GRID2: variants seen among roughly 807,000 people sequenced by gnomAD.
The protein encoded by GRID2 is glutamate ionotropic receptor delta type subunit 2.
A neutral mutation model predicts 114.8 loss-of-function variants in GRID2; 33 were observed. The observed-to-expected ratio is 0.29, with a 90% CI of 0.22 to 0.38. The LOEUF is 0.38. Among genes scored for constraint, GRID2 ranks in the 10% least tolerant of loss-of-function variants. The probability of loss-of-function intolerance (pLI) is 1.00; values close to 1 mark genes in which losing one functional copy is unlikely to be tolerated. For synonymous variants in GRID2, 505 were observed against 449.9 expected, an observed-to-expected ratio of 1.12 and a Z score of -1.55; for missense variants, 1,184 against 1,257.7, an observed-to-expected ratio of 0.94 and a Z score of 0.89.
chr4:93,093,853 G>C (rs1451925206), intron 3 of GRID2, among the ~76,000 whole-genome samples: 2 of 151,994 alleles, frequency 1.3e-5, no homozygotes, highest in African/African-American at 4.8e-5. Flanking sequence ...GAAAGGAGGG[G>C]AAGGGATTGT....
intron 2 of GRID2, among the ~76,000 whole-genome samples, chr4:92,731,863 G>A (rs909869369): frequency 6.6e-6 from 1 of 151,826 alleles, no homozygotes; most frequent in Non-Finnish European, 1.5e-5. Flanking sequence ...TTGATTATTT[G>A]ACCATCACAA....
intron 8 of GRID2, among the ~76,000 whole-genome samples, chr4:93,255,859 T>G (rs1303666380): frequency 6.6e-6 from 1 of 152,088 alleles, no homozygotes; most frequent in Non-Finnish European, 1.5e-5. Context: ...TCAGGTATCC[T>G]ATTAGAGCCC....
intron 1 of GRID2, among the ~76,000 whole-genome samples, chr4:92,394,618 C>T (rs1490304935): frequency 6.6e-6 from 1 of 151,498 alleles, no homozygotes; most frequent in Non-Finnish European, 1.5e-5. Flanking sequence ...TAGACAAAGC[C>T]CAATTAAACA....
chr4:92,395,728 A>T (rs1420160580), intron 1 of GRID2, among the ~76,000 whole-genome samples: 1 of 151,830 alleles, frequency 6.6e-6, no homozygotes, highest in Non-Finnish European at 1.5e-5. Context: ...TTGTATACAT[A>T]TGTGTCATAT....
At chr4:93,280,896 C>T (rs1752574645) in intron 8 of GRID2, among the ~76,000 whole-genome samples, 1 of 151,904 alleles carries the variant, frequency 6.6e-6, no homozygotes, top group South Asian at 2.1e-4. Flanking sequence ...ACTCCTACTA[C>T]ATCCAAAACT....
At chr4:93,499,085 T>C (rs1433727102) in intron 12 of GRID2, among the ~76,000 whole-genome samples, 2 of 151,864 alleles carry the variant, frequency 1.3e-5, no homozygotes, top group Non-Finnish European at 2.9e-5. Context: ...CATCATTCAT[T>C]TCAACAACTA....
intron 2 of GRID2, among the ~76,000 whole-genome samples, chr4:92,863,546 G>A (rs1003254559): frequency 2.0e-5 from 3 of 152,106 alleles, no homozygotes; most frequent in Non-Finnish European, 4.4e-5. Flanking sequence ...ATACTCTGCA[G>A]CCCTCATTCC....
At chr4:93,344,798 G>C (rs188294876) in intron 8 of GRID2, among the ~76,000 whole-genome samples, 91 of 151,750 alleles carry the variant, frequency 6.0e-4, no homozygotes, top group African/African-American at 1.8e-3. Flanking sequence ...TCTAGCTCCT[G>C]GCAACCAGCA....
At chr4:93,342,737 A>T (rs1363063444) in intron 8 of GRID2, among the ~76,000 whole-genome samples, 1 of 152,236 alleles carries the variant, frequency 6.6e-6, no homozygotes, top group Non-Finnish European at 1.5e-5. Context: ...TATGGTGCAA[A>T]GAAATAAAGA....
chr4:93,394,562 A>G (rs1765150132), intron 8 of GRID2, among the ~76,000 whole-genome samples: 1 of 151,960 alleles, frequency 6.6e-6, no homozygotes, highest in Non-Finnish European at 1.5e-5. Flanking sequence ...AAACCGCAAT[A>G]AAAAGAAATA....
chr4:92,536,925 G>C (rs988587137), intron 1 of GRID2, among the ~76,000 whole-genome samples: 1 of 152,112 alleles, frequency 6.6e-6, no homozygotes, highest in Admixed American at 6.6e-5. Context: ...TTATTAGCCA[G>C]TGCCTTATAT....
chr4:92,439,389 G>T (rs185015602), intron 1 of GRID2, among the ~76,000 whole-genome samples: 1 of 152,078 alleles, frequency 6.6e-6, no homozygotes, highest in African/African-American at 2.4e-5. Context: ...CTTGGCTTGG[G>T]CTCAGAGGCC....
At chr4:93,145,800 G>A (rs114727670) in intron 4 of GRID2, among the ~76,000 whole-genome samples, 98 of 150,790 alleles carry the variant, frequency 6.5e-4, no homozygotes, top group African/African-American at 2.2e-3. Flanking sequence ...ACAGCACCTG[G>A]TCTACTCTTA....
intron 8 of GRID2, among the ~76,000 whole-genome samples, chr4:93,327,294 C>T (rs1006812328): frequency 1.3e-5 from 2 of 152,106 alleles, no homozygotes; most frequent in Non-Finnish European, 2.9e-5. Context: ...ATTAAAGGTC[C>T]AAAATATAAA....
At chr4:93,412,750 C>T (rs547616972) in intron 9 of GRID2, among the ~76,000 whole-genome samples, 18 of 152,044 alleles carry the variant, frequency 1.2e-4, no homozygotes, top group Non-Finnish European at 2.4e-4. Context: ...CCTCCCCTTG[C>T]CTACCCCACT....
At chr4:93,616,775 T>C (rs1026911174) in intron 13 of GRID2, among the ~76,000 whole-genome samples, 3 of 151,632 alleles carry the variant, frequency 2.0e-5, no homozygotes, top group Non-Finnish European at 4.4e-5. Context: ...TTCATAAAAA[T>C]CAGTGAGGCG....
chr4:93,117,816 G>A (rs372247238), intron 4 of GRID2, among the ~76,000 whole-genome samples: 1 of 152,122 alleles, frequency 6.6e-6, no homozygotes, highest in Non-Finnish European at 1.5e-5. Flanking sequence ...TTATAGTGCT[G>A]TTGGCCACGA....
intron 14 of GRID2, among the ~76,000 whole-genome samples, chr4:93,704,368 T>C (rs12648742): frequency 0.35 from 52,884 of 151,936 alleles, 10,184 homozygotes; most frequent in East Asian, 0.75. Context: ...GTAAATTTGT[T>C]TGAGTTCATT....
intron 8 of GRID2, among the ~76,000 whole-genome samples, chr4:93,380,222 A>G (rs1175630881): frequency 1.3e-5 from 2 of 152,052 alleles, no homozygotes; most frequent in Non-Finnish European, 2.9e-5. Context: ...TAAAACAGAA[A>G]AGGAAGAGGA....
Sources: allele counts gnomAD v4.1 joint callset (sites outside exome capture counted in the v4.1 genomes callset), GRCh38; gene constraint gnomAD v4.1.1; transcripts MANE v1.5; gene names NCBI Gene and HGNC (gene_info 2026-07-23, HGNC 2026-07-21).